Variants in SNTG1 observed in about 807,000 individuals in gnomAD.
SNTG1 encodes syntrophin gamma 1, also known as gamma-1-syntrophin.
Under a neutral mutation model 74.7 loss-of-function variants are expected in SNTG1, and 39 were observed. That is an observed-to-expected ratio of 0.52 (90% CI 0.40 to 0.68). The LOEUF is 0.68. SNTG1 is among the 30% of genes least tolerant of loss of function. SNTG1 has a pLI of 0.00. For synonymous variants in SNTG1, 254 were observed against 217.1 expected (o/e 1.17, Z -1.49); for missense variants, 685 against 609.5 (o/e 1.12, Z -1.30).
chr8:50,214,778 A>G (rs912054064), intron 2 of SNTG1, among the ~76,000 whole-genome samples: 17 of 152,144 alleles, frequency 1.1e-4, no homozygotes, highest in Non-Finnish European at 1.9e-4. Flanking sequence ...TAAAATAAAA[A>G]TAAAAGGGAC....
chr8:50,074,421 C>G (rs942804489), intron 1 of SNTG1, among the ~76,000 whole-genome samples: 1 of 152,126 alleles, frequency 6.6e-6, no homozygotes, highest in Non-Finnish European at 1.5e-5. Context: ...TTCATATCAG[C>G]AACTGTAGAG....
intron 2 of SNTG1, among the ~76,000 whole-genome samples, chr8:50,203,538 T>C (rs1054497553): frequency 1.3e-5 from 2 of 152,188 alleles, no homozygotes; most frequent in African/African-American, 4.8e-5. Context: ...AAGAAACATA[T>C]TGTATTTTTT....
rs1174537487 is a variant in SNTG1, at chr8:50,088,325, T to A, written c.-102-84236T>A. The stretch of plus-strand genomic sequence containing the variant: ...ACTGAATGGGCAAAAACTGGAAGCA[T>A]TCCCTTTGAAAACTGGCACAAGACA... On this transcript the variant is annotated intron_variant, in intron 1 of 18. Coordinates refer to ENST00000642720, the MANE Select transcript of SNTG1 (RefSeq NM_018967.5). Among the ~76,000 whole-genome samples the A allele has an allele frequency of 2.1e-5, 3 of 143,440 alleles. No individual in the cohort carries two copies. The South Asian group carries it at 7.0e-4, about 34-fold the overall frequency. The allele number at this position is 143,440 out of a possible 152,430, so 94.1% of individuals were successfully genotyped here. A position where few individuals can be genotyped will look rare whatever the true frequency, so the allele number is the denominator to read the frequency against.
At chr8:50,110,536 A>G (rs2080543490) in intron 1 of SNTG1, among the ~76,000 whole-genome samples, 1 of 152,022 alleles carries the variant, frequency 6.6e-6, no homozygotes, top group African/African-American at 2.4e-5. Flanking sequence ...GGTCTCTATA[A>G]CCCTGAACCC....
intron 2 of SNTG1, among the ~76,000 whole-genome samples, chr8:50,230,384 C>T (rs2085556202): frequency 6.6e-6 from 1 of 151,214 alleles, no homozygotes; most frequent in Admixed American, 6.6e-5. Context: ...ACTACAGACC[C>T]TGGAAAAACC....
chr8:50,104,540 G>GT (rs1017708265), intron 1 of SNTG1, among the ~76,000 whole-genome samples: 37 of 151,936 alleles, frequency 2.4e-4, no homozygotes, highest in African/African-American at 7.2e-4. Flanking sequence ...TTTTTGAAGC[G>GT]TTTTTTTGTG....
intron 17 of SNTG1, among the ~76,000 whole-genome samples, chr8:50,743,277 A>G (rs2095547699): frequency 6.6e-6 from 1 of 151,950 alleles, no homozygotes; most frequent in Admixed American, 6.6e-5. Flanking sequence ...AACAGAACTC[A>G]GCAACATATT....
At chr8:50,377,998 C>T (rs772622393) in intron 2 of SNTG1, among the ~76,000 whole-genome samples, 47 of 152,200 alleles carry the variant, frequency 3.1e-4, no homozygotes, top group African/African-American at 1.0e-3. Context: ...CACCTTTGCC[C>T]GAGTTTTGCT....
intron 1 of SNTG1, among the ~76,000 whole-genome samples, chr8:49,953,469 C>A (rs908458655): frequency 6.6e-6 from 1 of 152,182 alleles, no homozygotes; most frequent in African/African-American, 2.4e-5. Flanking sequence ...CCATACAGGT[C>A]AGGGTCCCAG....
At chr8:50,159,858 C>T (rs573094112) in intron 1 of SNTG1, among the ~76,000 whole-genome samples, 1 of 152,246 alleles carries the variant, frequency 6.6e-6, no homozygotes, top group South Asian at 2.1e-4. Context: ...GTTCAAAAAC[C>T]TTAATTATCT....
intron 12 of SNTG1, among the ~76,000 whole-genome samples, chr8:50,587,707 C>T (rs6473239): frequency 0.16 from 24,836 of 151,556 alleles, 5,452 homozygotes; most frequent in African/African-American, 0.49. Flanking sequence ...CGCCTGTAGT[C>T]CTGGCTACGC....
At chr8:50,713,626 A>G (rs991422776) in intron 17 of SNTG1, among the ~76,000 whole-genome samples, 4 of 152,050 alleles carry the variant, frequency 2.6e-5, no homozygotes, top group Non-Finnish European at 5.9e-5. Context: ...TAGAGTTTTT[A>G]TGGTTTTCAG....
At position 50,202,708 on chromosome 8, in the gene SNTG1, T is replaced by C. The variant is rs193228353; in HGVS notation, c.-28+30073T>C. 2.3e-3 allele frequency among the ~76,000 whole-genome samples: 353 copies of C among 152,182 alleles called. 3 individuals are homozygous for C. The highest frequency in any genetic ancestry group is 8.1e-3 in the African/African-American group (338 of 41,560). ...GTTTTCATTTAATTTGTAAGGAGAGTTAAAGTAAATTTACCCTTTTTCTTC... is the reference window on the plus strand; with the variant it reads ...GTTTTCATTTAATTTGTAAGGAGAGCTAAAGTAAATTTACCCTTTTTCTTC... On this transcript the variant is annotated intron_variant, in intron 2 of 18. Coordinates refer to ENST00000642720, the MANE Select transcript of SNTG1 (RefSeq NM_018967.5).
intron 1 of SNTG1, among the ~76,000 whole-genome samples, chr8:50,057,728 C>A (rs1385314556): frequency 6.6e-6 from 1 of 152,092 alleles, no homozygotes; most frequent in East Asian, 1.9e-4. Context: ...ACAAGACCTG[C>A]AACCTGGGAC....
intron 1 of SNTG1, among the ~76,000 whole-genome samples, chr8:49,989,272 T>A (rs887702236): frequency 6.6e-6 from 1 of 151,918 alleles, no homozygotes; most frequent in African/African-American, 2.4e-5. Context: ...AAGATCTTAA[T>A]AATGACCTTA....
chr8:50,579,262 C>T (rs756164941), intron 12 of SNTG1, among the ~76,000 whole-genome samples: 13 of 152,060 alleles, frequency 8.5e-5, no homozygotes, highest in Non-Finnish European at 1.2e-4. Context: ...ATCTGTGGAA[C>T]TTTGAACTTG....
chr8:50,472,697 T>G (rs901754559), intron 8 of SNTG1, among the ~76,000 whole-genome samples: 1 of 152,034 alleles, frequency 6.6e-6, no homozygotes, highest in African/African-American at 2.4e-5. Context: ...AAAACTTCTG[T>G]GCATCAAAGG....
At chr8:50,635,601 C>T (rs2095034064) in intron 13 of SNTG1, among the ~76,000 whole-genome samples, 2 of 152,148 alleles carry the variant, frequency 1.3e-5, no homozygotes, top group South Asian at 4.1e-4. Flanking sequence ...TGCTTCCAGG[C>T]AATTGCCGAT....
At chr8:50,649,302 A>C (rs1005435958) in intron 13 of SNTG1, among the ~76,000 whole-genome samples, 13 of 152,110 alleles carry the variant, frequency 8.5e-5, no homozygotes, top group Non-Finnish European at 1.8e-4. Flanking sequence ...GTGCAAGACC[A>C]GCCTGGCCAA....
Sources: gnomAD v4.1 joint callset for allele counts (sites outside exome capture counted in the v4.1 genomes callset) on GRCh38, gnomAD v4.1.1 for gene constraint, MANE v1.5 for transcripts, NCBI Gene and HGNC (gene_info 2026-07-23, HGNC 2026-07-21) for gene names.